The following PUS10 variants were observed in gnomAD, a reference collection of about 807,000 sequenced individuals.
PUS10 encodes tRNA pseudouridine synthase Pus10.
In PUS10, 59 loss-of-function variants were observed where a neutral mutation model predicts 75.0. That is an observed-to-expected ratio of 0.79 (90% CI 0.64 to 0.98). The LOEUF (loss-of-function observed/expected upper bound fraction) is 0.98, where lower values mean the gene tolerates loss of function less well. Among genes scored for constraint, PUS10 ranks in the 50% least tolerant of loss-of-function variants. The pLI is 0.00. For missense variants in PUS10, 650 were observed against 614.4 expected (o/e 1.06, Z -0.61); for synonymous variants, 219 against 211.6 (o/e 1.03, Z -0.30).
chr2:61,011,311 G>A (rs1403435566), intron 2 of PUS10, among the ~76,000 whole-genome samples: 1 of 152,066 alleles, frequency 6.6e-6, no homozygotes, highest in Non-Finnish European at 1.5e-5. Flanking sequence ...ATGATGATAA[G>A]CATTTATTTC....
intron 4 of PUS10, among the ~76,000 whole-genome samples, chr2:61,005,053 G>C (rs1174528363): frequency 6.6e-6 from 1 of 152,122 alleles, no homozygotes; most frequent in East Asian, 1.9e-4. Context: ...TCGGGTGTCG[G>C]AGACCAGCCT....
intron 3 of PUS10, among the ~76,000 whole-genome samples, chr2:61,007,455 T>G (rs1024578592): frequency 1.3e-5 from 2 of 148,874 alleles, no homozygotes; most frequent in African/African-American, 5.0e-5. Context: ...AGTGGGACCC[T>G]GTCTCAAAAA....
intron 11 of PUS10, among the ~76,000 whole-genome samples, chr2:60,957,092 A>G (rs1675724676): frequency 6.6e-6 from 1 of 152,080 alleles, no homozygotes; most frequent in Non-Finnish European, 1.5e-5. Context: ...GTAAACCTGA[A>G]AACTTATTAG....
intron 5 of PUS10, among the ~76,000 whole-genome samples, chr2:60,970,051 CACT>C (rs1676565450): frequency 6.6e-6 from 1 of 151,840 alleles, no homozygotes; most frequent in Non-Finnish European, 1.5e-5. Flanking sequence ...GAGATTGCAC[CACT>C]GCCTGGGCAA....
chr2:60,964,628 C>T (rs1676227642), intron 8 of PUS10, among the ~76,000 whole-genome samples: 1 of 152,190 alleles, frequency 6.6e-6, no homozygotes, highest in South Asian at 2.1e-4. Flanking sequence ...AATAAAACAA[C>T]TTACTTTGAA....
rs556948691 is a variant in PUS10, at chr2:60,947,698, A to G, written c.1451+345T>C. Among the ~76,000 whole-genome samples, 142 of 151,930 alleles carry G rather than the reference A, an allele frequency of 9.3e-4. 1 individual carries two copies. The highest frequency in any genetic ancestry group is 3.2e-3 in the Admixed American group (49 of 15,266). On this transcript the variant is annotated intron_variant, in intron 16 of 17. Coordinates refer to ENST00000316752, the MANE Select transcript of PUS10 (RefSeq NM_144709.4). ...CAAAAAATTAGTCAGGCGTGGTGGCAGGCGCCTGTAGTCCCAGCTACTCGG... is the reference window on the plus strand; with the variant it reads ...CAAAAAATTAGTCAGGCGTGGTGGCGGGCGCCTGTAGTCCCAGCTACTCGG...
At position 61,008,821 on chromosome 2, in the gene PUS10, A is replaced by G. The variant is rs1432096727; in HGVS notation, c.321T>C (p.Asn107=). 6.2e-7 allele frequency: 1 copy of G among 1,609,856 alleles called. No homozygotes were observed. The highest frequency in any genetic ancestry group is 8.5e-7 in the Non-Finnish European group (1 of 1,176,944). The change falls in exon 3 of 18, where the codon AAT becomes AAC. Residue 107 remains asparagine (N), a synonymous_variant. Coordinates refer to ENST00000316752, the MANE Select transcript of PUS10 (RefSeq NM_144709.4). Reference sequence around the variant, plus strand: ...GAATTCCTAGGCATACATTACATACATTTAAATTTGAGTTCTTGGAAGCAG... The same window carrying G: ...GAATTCCTAGGCATACATTACATACGTTTAAATTTGAGTTCTTGGAAGCAG... ...GSTASKNSNL[N]VCNVCLGILQ... is the part of the protein sequence containing the mutation.
chr2:60,979,110 C>CACATAT (rs1031194319), intron 4 of PUS10, among the ~76,000 whole-genome samples: 3 of 38,822 alleles, frequency 7.7e-5, no homozygotes, highest in African/African-American at 4.3e-4. Context: ...CCAACACATA[C>CACATAT]ACATACACAT....
intron 2 of PUS10, chr2:61,010,096 C>A (rs1679500579): frequency 6.6e-6 from 1 of 152,140 alleles, no homozygotes; most frequent in African/African-American, 2.4e-5. Context: ...TATTGCCTTA[C>A]ATAAAATGAA....
intron 4 of PUS10, among the ~76,000 whole-genome samples, chr2:60,986,651 T>C (rs1333083867): frequency 6.6e-6 from 1 of 152,204 alleles, no homozygotes; most frequent in East Asian, 1.9e-4. Context: ...CACCAAAAAC[T>C]TCAAACAAAA....
chr2:60,957,420 T>G (rs1382763085), intron 11 of PUS10, among the ~76,000 whole-genome samples: 1 of 152,166 alleles, frequency 6.6e-6, no homozygotes, highest in Non-Finnish European at 1.5e-5. Flanking sequence ...TGGGGGAACA[T>G]GTAGTACCCC....
intron 6 of PUS10, 110 bp downstream of exon 6, chr2:60,967,392 C>T (rs1021044330): frequency 4.4e-6 from 3 of 677,240 alleles, no homozygotes; most frequent in South Asian, 3.3e-5. Flanking sequence ...AAAAATCCTT[C>T]ACTGGATTAT....
intron 4 of PUS10, among the ~76,000 whole-genome samples, chr2:60,978,280 G>C (rs1677161109): frequency 6.6e-6 from 1 of 151,882 alleles, no homozygotes; most frequent in African/African-American, 2.4e-5. Context: ...AAATTAGCCG[G>C]GTGTGGTGGT....
At position 60,941,486 on chromosome 2, in the gene PUS10, T is replaced by G. The variant is rs1674624600; in HGVS notation, c.*909A>C. Reference sequence around the variant, plus strand: ...AATTTTGGATAAGTCATTTAACTTCTAGTCTTTGGTTTCCATATTTATAAA... The same window carrying G: ...AATTTTGGATAAGTCATTTAACTTCGAGTCTTTGGTTTCCATATTTATAAA... On this transcript the variant is annotated 3_prime_UTR_variant, in exon 18 of 18. Transcript: ENST00000316752. 2.0e-5 allele frequency: 3 copies of G among 152,294 alleles called. No homozygotes were observed. The highest frequency in any genetic ancestry group is 7.2e-5 in the African/African-American group (3 of 41,476). The allele number at this position is 152,294 out of a possible 1,614,324, so 9.4% of individuals were successfully genotyped here. A position where few individuals can be genotyped will look rare whatever the true frequency, so the allele number is the denominator to read the frequency against.
intron 4 of PUS10, among the ~76,000 whole-genome samples, chr2:60,997,807 ATC>A (rs1231760219): frequency 2.0e-5 from 3 of 152,162 alleles, no homozygotes; most frequent in Admixed American, 6.5e-5. Context: ...TTCTAAACTA[ATC>A]TAACCAAAAA....
At chr2:60,986,230 A>G (rs1677717354) in intron 4 of PUS10, among the ~76,000 whole-genome samples, 1 of 152,210 alleles carries the variant, frequency 6.6e-6, no homozygotes, top group Non-Finnish European at 1.5e-5. Context: ...TTATCTATTC[A>G]TTAAAAGATA....
At chr2:60,963,405 C>T (rs927672656) in intron 8 of PUS10, among the ~76,000 whole-genome samples, 1 of 152,206 alleles carries the variant, frequency 6.6e-6, no homozygotes, top group Non-Finnish European at 1.5e-5. Context: ...GTCTCACTCA[C>T]CAGCCACAGA....
chr2:60,961,865 G>A (rs1053747588), intron 9 of PUS10, among the ~76,000 whole-genome samples: 12 of 152,198 alleles, frequency 7.9e-5, no homozygotes, highest in African/African-American at 2.9e-4. Flanking sequence ...CCATACATAG[G>A]AAGTGGAAGC....
Position 60,956,029 on chromosome 2 carries a change from C to T in PUS10, c.1001-955G>A, listed in dbSNP as rs769635658. ...AAAGCTGGGACCATGACAGAACCAG[C>T]GTATGCTCTGCGATAAGTTGATCGT... is the stretch of plus-strand genomic sequence containing the variant. On this transcript the variant is annotated intron_variant, in intron 11 of 17. Transcript: ENST00000316752. 3.3e-5 allele frequency among the ~76,000 whole-genome samples: 5 copies of T among 151,714 alleles called. No homozygotes were observed. In the East Asian group the frequency reaches 5.8e-4, roughly 18 times the overall value.
Sources: gnomAD v4.1 joint callset for allele counts (sites outside exome capture counted in the v4.1 genomes callset) on GRCh38, gnomAD v4.1.1 for gene constraint, MANE v1.5 for transcripts, NCBI Gene and HGNC (gene_info 2026-07-23, HGNC 2026-07-21) for gene names.